KCNH5: variants seen among roughly 807,000 people sequenced by gnomAD.
KCNH5 encodes the protein voltage-gated delayed rectifier potassium channel KCNH5.
In KCNH5, 46 loss-of-function variants were observed where a neutral mutation model predicts 96.1. The ratio of observed to expected loss-of-function variants is 0.48; its 90% CI spans 0.38 to 0.61. The LOEUF (loss-of-function observed/expected upper bound fraction) is 0.61, where lower values mean the gene tolerates loss of function less well. Ranked by LOEUF, KCNH5 falls within the 20% of genes least tolerant of loss-of-function variation. The pLI is 0.00. For missense variants in KCNH5, 907 were observed against 1,225.8 expected (o/e 0.74, Z 3.88); for synonymous variants, 439 against 449.8 (o/e 0.98, Z 0.30).
intron 7 of KCNH5, among the ~76,000 whole-genome samples, chr14:62,882,779 A>T (rs765907593): frequency 2.6e-5 from 4 of 152,182 alleles, no homozygotes; most frequent in Non-Finnish European, 5.9e-5. Flanking sequence ...TCAGAATTGG[A>T]CACAGATGCA....
chr14:62,792,123 G>C (rs2139989571), intron 9 of KCNH5, among the ~76,000 whole-genome samples: 1 of 151,512 alleles, frequency 6.6e-6, no homozygotes, highest in East Asian at 1.9e-4. Flanking sequence ...AGAACAAAAT[G>C]AGTATTAAAA....
intron 10 of KCNH5, among the ~76,000 whole-genome samples, chr14:62,754,839 C>T (rs570726984): frequency 9.7e-4 from 147 of 151,520 alleles, no homozygotes; most frequent in South Asian, 1.7e-3. Flanking sequence ...TGCTCCACTG[C>T]GCTCCAGCCT....
chr14:62,994,260 T>A (rs1331154506), intron 4 of KCNH5, among the ~76,000 whole-genome samples: 1 of 152,084 alleles, frequency 6.6e-6, no homozygotes, highest in African/African-American at 2.4e-5. Context: ...TGGCTGTTAT[T>A]TTTTATTCTA....
chr14:62,836,910 G>C (rs900873174), intron 8 of KCNH5, among the ~76,000 whole-genome samples: 1 of 152,092 alleles, frequency 6.6e-6, no homozygotes, highest in Non-Finnish European at 1.5e-5. Flanking sequence ...TTTGAAGTCA[G>C]AATCCTAAAA....
rs1007793901 is a variant in KCNH5 at position 63,036,449 on chromosome 14, T to A, written c.73+8665A>T. Among the ~76,000 whole-genome samples, 6 of 151,188 alleles carry A rather than the reference T, an allele frequency of 4.0e-5. No individual in the cohort carries two copies. In the South Asian group the frequency reaches 1.3e-3, roughly 32 times the overall value. On this transcript the variant is annotated intron_variant, in intron 1 of 10. Transcript: ENST00000322893. ...GAAAGTCAAAGATGACCCTAACACT[T>A]CTAGAGTAAAAAACAAAAATACTAA...
chr14:62,710,355 A>G (rs1446125519), intron 10 of KCNH5, among the ~76,000 whole-genome samples: 1 of 152,188 alleles, frequency 6.6e-6, no homozygotes, highest in African/African-American at 2.4e-5. Flanking sequence ...ATGTAATAAT[A>G]ATCTCAAATT....
chr14:62,801,499 A>ATTTTTTTTTT (rs35409070), intron 9 of KCNH5, among the ~76,000 whole-genome samples: 1 of 108,854 alleles, frequency 9.2e-6, no homozygotes, highest in Non-Finnish European at 1.8e-5. Flanking sequence ...TCATTTGGCA[A>ATTTTTTTTTT]TTTTTTTTTT....
chr14:62,965,483 A>T (rs766196352), intron 6 of KCNH5, among the ~76,000 whole-genome samples: 32 of 152,126 alleles, frequency 2.1e-4, no homozygotes, highest in Non-Finnish European at 4.4e-4. Flanking sequence ...CAAGGTTATG[A>T]TGCAGCATGA....
At chr14:62,868,493 G>T (rs1888181942) in intron 7 of KCNH5, among the ~76,000 whole-genome samples, 1 of 151,966 alleles carries the variant, frequency 6.6e-6, no homozygotes, top group African/African-American at 2.4e-5. Flanking sequence ...TTTTCTTTAT[G>T]GTCTCATGAT....
chr14:62,823,445 G>A (rs2140019968), intron 8 of KCNH5, among the ~76,000 whole-genome samples: 1 of 152,106 alleles, frequency 6.6e-6, no homozygotes, highest in East Asian at 1.9e-4. Flanking sequence ...TATGAGTAAT[G>A]GAGTCATGGT....
intron 2 of KCNH5, among the ~76,000 whole-genome samples, chr14:63,008,364 A>G (rs190327718): frequency 6.6e-6 from 1 of 152,272 alleles, no homozygotes; most frequent in East Asian, 1.9e-4. Context: ...ACCTGAAAAT[A>G]CCAATCAATA....
chr14:62,818,105 G>T (rs1887031536), intron 8 of KCNH5, among the ~76,000 whole-genome samples: 1 of 78,310 alleles, frequency 1.3e-5, no homozygotes, highest in Non-Finnish European at 2.8e-5. Flanking sequence ...CCAGGAGCTG[G>T]GGGCGGGGGG....
At chr14:63,000,894 G>C (rs1025406830) in intron 4 of KCNH5, among the ~76,000 whole-genome samples, 47 of 152,106 alleles carry the variant, frequency 3.1e-4, no homozygotes, top group African/African-American at 1.1e-3. Flanking sequence ...GGGCAACATG[G>C]CGAAACCCTG....
At chr14:62,978,581 C>T (rs1186888407) in intron 6 of KCNH5, among the ~76,000 whole-genome samples, 21 of 140,732 alleles carry the variant, frequency 1.5e-4, no homozygotes, top group African/African-American at 4.7e-4. Flanking sequence ...AGTGAGACTC[C>T]GTCTCAAAAA....
At chr14:62,872,462 G>A (rs1055173509) in intron 7 of KCNH5, among the ~76,000 whole-genome samples, 11 of 151,810 alleles carry the variant, frequency 7.2e-5, no homozygotes, top group East Asian at 3.9e-4. Flanking sequence ...AGGCTGAGGC[G>A]TGCAGATCAC....
At chr14:62,880,680 T>C (rs1440583587) in intron 7 of KCNH5, among the ~76,000 whole-genome samples, 3 of 152,174 alleles carry the variant, frequency 2.0e-5, no homozygotes, top group Admixed American at 2.0e-4. Flanking sequence ...AAAAGTAGAC[T>C]GTAGGTGAGC....
chr14:62,791,960 C>T (rs903066594), intron 9 of KCNH5, among the ~76,000 whole-genome samples: 2 of 151,436 alleles, frequency 1.3e-5, no homozygotes, highest in Admixed American at 1.3e-4. Flanking sequence ...TTGCAATTGG[C>T]TCATAAACTT....
chr14:62,867,457 T>C (rs1888156699), intron 7 of KCNH5, among the ~76,000 whole-genome samples: 1 of 152,190 alleles, frequency 6.6e-6, no homozygotes, highest in Admixed American at 6.5e-5. Flanking sequence ...TAACATTTGC[T>C]AATGTTTTTC....
rs547160809 is a variant in KCNH5 at position 62,708,430 on chromosome 14, A to T, written c.2045T>A (p.Val682Glu). The part of the protein sequence containing the change: ...KRIIFRKISD[V>E]KKEEEERLRQ... ...GAGGCGCTCCTCCTCCTCTTTCTTC[A>T]CATCACTGATCTTACGAAAGATGAT... is the stretch of plus-strand genomic sequence containing the variant. The change falls in exon 11 of 11, where the codon GTG (valine) becomes GAG (glutamate). Residue 682 changes from valine to glutamate, a missense_variant. By Grantham distance (121) the Val-to-Glu change is moderately radical (BLOSUM62 -2). Transcript: ENST00000322893. 5 of 1,604,048 alleles carry T rather than the reference A, an allele frequency of 3.1e-6. No individual in the cohort carries two copies. Among genetic ancestry groups the T allele is most frequent in the Admixed American group, 1.7e-5 (1 of 59,890 alleles).
Sources: allele counts gnomAD v4.1 joint callset (sites outside exome capture counted in the v4.1 genomes callset), GRCh38; gene constraint gnomAD v4.1.1; transcripts MANE v1.5; gene names NCBI Gene and HGNC (gene_info 2026-07-23, HGNC 2026-07-21).